The following GABRB3 variants were observed in gnomAD, a reference collection of about 807,000 sequenced individuals.
The protein encoded by GABRB3 is gamma-aminobutyric acid type A receptor subunit beta3.
A neutral mutation model predicts 52.1 loss-of-function variants in GABRB3; 14 were observed. The observed-to-expected ratio is 0.27, with a 90% confidence interval of 0.18 to 0.42. The LOEUF is 0.42. Among genes scored for constraint, GABRB3 ranks in the 10% least tolerant of loss-of-function variants. The pLI is 1.00. For synonymous variants in GABRB3, 260 were observed against 232.3 expected, an observed-to-expected ratio of 1.12 and a Z score of -1.08; for missense variants, 307 against 609.1, an observed-to-expected ratio of 0.50 and a Z score of 5.22.
intron 8 of GABRB3, 27 bp from the exon 9 acceptor site, chr15:26,548,161 TAGACAGCCAGCAGCATAATTTCCCTATGC>T: frequency 6.4e-7 from 1 of 1,563,122 alleles, no homozygotes; most frequent in Non-Finnish European, 8.8e-7. Flanking sequence ...TGCACATGGT[TAGACAGCCAGCAGCATAATTTCCCTATGC>T]AGATCCCGGA....
At chr15:26,607,802 C>A (rs187825571) in intron 4 of GABRB3, among the ~76,000 whole-genome samples, 1 of 151,752 alleles carries the variant, frequency 6.6e-6, no homozygotes, top group Admixed American at 6.6e-5. Flanking sequence ...ACACTGCAAA[C>A]TATAACATTC....
At chr15:26,604,413 C>A (rs1891704356) in intron 4 of GABRB3, among the ~76,000 whole-genome samples, 1 of 151,986 alleles carries the variant, frequency 6.6e-6, no homozygotes, top group Admixed American at 6.6e-5. Context: ...ATAGAAAAAA[C>A]AATCCTAAAA....
intron 3 of GABRB3, among the ~76,000 whole-genome samples, chr15:26,643,885 C>T (rs535196192): frequency 6.6e-6 from 1 of 152,348 alleles, no homozygotes; most frequent in Non-Finnish European, 1.5e-5. Flanking sequence ...TCAACAAGTA[C>T]TTGTGTAGCA....
intron 7 of GABRB3, among the ~76,000 whole-genome samples, chr15:26,565,761 T>C (rs141272011): frequency 3.3e-5 from 5 of 152,268 alleles, no homozygotes; most frequent in African/African-American, 1.2e-4. Flanking sequence ...CCTTGTGATG[T>C]CAGATAATCA....
At chr15:26,584,831 T>A (rs879892290) in intron 4 of GABRB3, among the ~76,000 whole-genome samples, 26 of 152,202 alleles carry the variant, frequency 1.7e-4, no homozygotes, top group Non-Finnish European at 3.4e-4. Flanking sequence ...CAAAGGTGAC[T>A]GGACTGTGGT....
intron 4 of GABRB3, among the ~76,000 whole-genome samples, chr15:26,587,069 T>G (rs1891019058): frequency 6.6e-6 from 1 of 152,228 alleles, no homozygotes; most frequent in African/African-American, 2.4e-5. Flanking sequence ...ATGTTAATAA[T>G]TTGAGGTGAT....
chr15:26,718,857 G>T (rs1050276435), intron 3 of GABRB3, among the ~76,000 whole-genome samples: 1 of 152,132 alleles, frequency 6.6e-6, no homozygotes, highest in Non-Finnish European at 1.5e-5. Flanking sequence ...GGCTCAGCTC[G>T]CAAGCCCAAT....
At chr15:26,663,485 C>T (rs1887611265) in intron 3 of GABRB3, among the ~76,000 whole-genome samples, 1 of 152,140 alleles carries the variant, frequency 6.6e-6, no homozygotes. Flanking sequence ...TCCTTCTTTT[C>T]ATTGCTCTTT....
chr15:26,687,286 T>C (rs555418425), intron 3 of GABRB3, among the ~76,000 whole-genome samples: 1 of 152,366 alleles, frequency 6.6e-6, no homozygotes, highest in African/African-American at 2.4e-5. Flanking sequence ...CAAAATTATA[T>C]ATGTGTATGG....
At chr15:26,611,966 C>T (rs1474163403) in intron 4 of GABRB3, 1 of 152,186 alleles carries the variant, frequency 6.6e-6, no homozygotes, top group East Asian at 1.9e-4. Context: ...ACTGTACTTG[C>T]TCCTCTGCAT....
chr15:26,711,401 T>C (rs1889289770), intron 3 of GABRB3, among the ~76,000 whole-genome samples: 1 of 152,198 alleles, frequency 6.6e-6, no homozygotes, highest in Non-Finnish European at 1.5e-5. Context: ...GGATGATAAT[T>C]TGTGGATCTC....
chr15:26,763,624 AC>A, intron 3 of GABRB3, among the ~76,000 whole-genome samples: 1 of 151,906 alleles, frequency 6.6e-6, no homozygotes, highest in Admixed American at 6.5e-5. Flanking sequence ...ACACACACAC[AC>A]ACACACACAC....
intron 3 of GABRB3, among the ~76,000 whole-genome samples, chr15:26,766,649 T>C (rs1442787764): frequency 1.3e-5 from 2 of 151,608 alleles, no homozygotes; most frequent in African/African-American, 4.9e-5. Context: ...ATTTTATCTT[T>C]GGAAAAACCA....
intron 3 of GABRB3, among the ~76,000 whole-genome samples, chr15:26,755,601 T>C (rs1419761228): frequency 6.6e-6 from 1 of 152,228 alleles, no homozygotes; most frequent in Admixed American, 6.5e-5. Context: ...CTTTGCATTC[T>C]AATGTTTTTT....
At chr15:26,765,512 G>C (rs891592170) in intron 3 of GABRB3, among the ~76,000 whole-genome samples, 8 of 152,058 alleles carry the variant, frequency 5.3e-5, no homozygotes, top group Non-Finnish European at 1.2e-4. Context: ...CCCAAATTCC[G>C]AGACATTAAA....
chr15:26,690,092 G>A (rs1352172066), intron 3 of GABRB3, among the ~76,000 whole-genome samples: 1 of 146,538 alleles, frequency 6.8e-6, no homozygotes, highest in Non-Finnish European at 1.5e-5. Context: ...TCTGGAGAAT[G>A]AGAAGGTACA....
chr15:26,704,781 A>G (rs1889045515), intron 3 of GABRB3, among the ~76,000 whole-genome samples: 1 of 152,144 alleles, frequency 6.6e-6, no homozygotes. Flanking sequence ...TCCAGTTTTC[A>G]ATACCTTGTT....
intron 6 of GABRB3, 79 bp from the exon 7 acceptor site, chr15:26,567,812 A>G: frequency 7.2e-7 from 1 of 1,384,920 alleles, no homozygotes; most frequent in Non-Finnish European, 1.0e-6. Flanking sequence ...TCCATAGGTC[A>G]ACAACAGGCA....
intron 8 of GABRB3, among the ~76,000 whole-genome samples, chr15:26,551,396 G>A (rs761279210): frequency 9.9e-5 from 15 of 152,196 alleles, no homozygotes; most frequent in East Asian, 1.9e-4. Flanking sequence ...CCTGAAGCCC[G>A]TGAATAACTG....
Sources: gnomAD v4.1 joint callset for allele counts (sites outside exome capture counted in the v4.1 genomes callset) on GRCh38, gnomAD v4.1.1 for gene constraint, MANE v1.5 for transcripts, NCBI Gene and HGNC (gene_info 2026-07-23, HGNC 2026-07-21) for gene names.